SASH1: variants seen among roughly 807,000 people sequenced by gnomAD.
SASH1 encodes SAM and SH3 domain containing 1.
SASH1 carries 44 observed loss-of-function variants against 125.2 expected under a neutral mutation model. That is an observed-to-expected ratio of 0.35 (90% CI 0.28 to 0.45). The LOEUF (loss-of-function observed/expected upper bound fraction) is 0.45. Among genes scored for constraint, SASH1 ranks in the 20% least tolerant of loss-of-function variants. The probability of loss-of-function intolerance (pLI) is 1.00; values close to 1 mark genes in which losing one functional copy is unlikely to be tolerated. For missense variants in SASH1, 1,426 were observed against 1,614.5 expected (o/e 0.88, Z 2.00); for synonymous variants, 639 against 649.1 (o/e 0.98, Z 0.24).
chr6:148,536,432 C>T (rs752380463), intron 16 of SASH1, among the ~76,000 whole-genome samples: 11 of 152,288 alleles, frequency 7.2e-5, no homozygotes, highest in Middle Eastern at 3.4e-3. Context: ...CTCCGCCTCC[C>T]GGGTTCAAGC....
intron 2 of SASH1, among the ~76,000 whole-genome samples, chr6:148,400,523 G>A (rs1029459128): frequency 5.9e-5 from 9 of 152,212 alleles, no homozygotes; most frequent in East Asian, 5.8e-4. Flanking sequence ...GCAGAGGCAG[G>A]TGGATCCTTT....
chr6:148,327,200 T>C (rs1013157075), intron 1 of SASH1, among the ~76,000 whole-genome samples: 2 of 152,162 alleles, frequency 1.3e-5, no homozygotes, highest in Non-Finnish European at 2.9e-5. Context: ...TGAGACATAA[T>C]TGGTCCTCAA....
At position 148,549,920 on chromosome 6, in the gene SASH1, C is replaced by T. The variant is rs1257436819; in HGVS notation, c.*1362C>T. 5.3e-6 allele frequency: 1 copy of T among 187,422 alleles called. No individual in the cohort carries two copies. Among genetic ancestry groups the T allele is most frequent in the Non-Finnish European group, 1.1e-5 (1 of 91,746 alleles). 11.6% of individuals were successfully genotyped at this position (187,422 alleles called of 1,614,324 possible). On this transcript the variant is annotated 3_prime_UTR_variant, in exon 20 of 20. Coordinates refer to ENST00000367467, the MANE Select transcript of SASH1 (RefSeq NM_015278.5). The stretch of plus-strand genomic sequence containing the variant: ...AGTCTCCCAGGTTCAAGTGATTCTC[C>T]TGCCTTAGCCTCCCGAGTAGCTGGG...
At chr6:148,248,728 C>T in the SASH1 span, among the ~76,000 whole-genome samples, 3 of 152,308 alleles carry the variant, frequency 2.0e-5, no homozygotes, top group East Asian at 3.9e-4. Context: ...GAAGGAGCTT[C>T]ATTTGGTGCT....
chr6:148,518,196 A>G (rs533711963), intron 9 of SASH1, among the ~76,000 whole-genome samples: 5 of 152,088 alleles, frequency 3.3e-5, no homozygotes, highest in Admixed American at 2.0e-4. Context: ...GGGCTGGTGA[A>G]TTTCTGTGAG....
chr6:148,421,161 G>GGAAGGAAGGAAGA (rs1562396462), intron 2 of SASH1, among the ~76,000 whole-genome samples: 2 of 100,722 alleles, frequency 2.0e-5, no homozygotes, highest in African/African-American at 3.7e-5. Flanking sequence ...AAGAAAGAAA[G>GGAAGGAAGGAAGA]AAAGAAAGAA....
chr6:148,535,707 G>A (rs1014253838), intron 16 of SASH1, among the ~76,000 whole-genome samples: 1 of 152,104 alleles, frequency 6.6e-6, no homozygotes, highest in African/African-American at 2.4e-5. Flanking sequence ...GTCTTATCTT[G>A]CTCTGTATTA....
intron 2 of SASH1, among the ~76,000 whole-genome samples, chr6:148,390,648 C>G (rs9485289): frequency 6.6e-6 from 1 of 151,532 alleles, no homozygotes; most frequent in Non-Finnish European, 1.5e-5. Context: ...ATTAGCCGGG[C>G]GTGGTGATGG....
At chr6:148,268,035 T>A (rs1422452142), upstream of SASH1, among the ~76,000 whole-genome samples, 1 of 152,196 alleles carries the variant, frequency 6.6e-6, no homozygotes, top group Non-Finnish European at 1.5e-5. Context: ...CAATAAATAA[T>A]ACGACTTTTA....
At chr6:148,500,938 A>G (rs1214834375) in intron 8 of SASH1, among the ~76,000 whole-genome samples, 1 of 152,142 alleles carries the variant, frequency 6.6e-6, no homozygotes, top group African/African-American at 2.4e-5. Flanking sequence ...TCTAGCTCTA[A>G]ATAATTCCTC....
intron 1 of SASH1, among the ~76,000 whole-genome samples, chr6:148,319,534 G>A (rs958798015): frequency 6.6e-6 from 1 of 151,024 alleles, no homozygotes; most frequent in Non-Finnish European, 1.5e-5. Flanking sequence ...TTGTTTTTTT[G>A]AGATGGAGTT....
chr6:148,267,718 T>C (rs1318486488), upstream of SASH1, among the ~76,000 whole-genome samples: 2 of 152,042 alleles, frequency 1.3e-5, no homozygotes, highest in Non-Finnish European at 2.9e-5. Flanking sequence ...GATTCCAATA[T>C]CCATCCAACA....
intron 1 of SASH1, among the ~76,000 whole-genome samples, chr6:148,328,324 C>T (rs1050711176): frequency 1.5e-4 from 23 of 152,116 alleles, no homozygotes; most frequent in Middle Eastern, 6.8e-3. Context: ...TGAGGCCGGG[C>T]GCGGTGGCTC....
intron 2 of SASH1, among the ~76,000 whole-genome samples, chr6:148,421,207 A>AAGAAAGAAAGAAAGAAAGAG (rs1785083276): frequency 2.2e-5 from 3 of 138,972 alleles, no homozygotes; most frequent in Admixed American, 7.0e-5. Flanking sequence ...GAAAGAAAGA[A>AAGAAAGAAAGAAAGAAAGAG]AGAAAGAAAA....
chr6:148,420,719 C>T (rs1308056450), intron 2 of SASH1, among the ~76,000 whole-genome samples: 3 of 152,114 alleles, frequency 2.0e-5, no homozygotes, highest in African/African-American at 7.2e-5. Flanking sequence ...TTGTCTTTGT[C>T]TTTGAGTATA....
chr6:148,521,252 G>A (rs1780789116), intron 10 of SASH1, among the ~76,000 whole-genome samples: 1 of 152,234 alleles, frequency 6.6e-6, no homozygotes. Context: ...TCTGTCACCT[G>A]GCACCTTGCT....
intron 4 of SASH1, among the ~76,000 whole-genome samples, chr6:148,445,529 T>C (rs1776733827): frequency 1.3e-5 from 2 of 152,156 alleles, no homozygotes; most frequent in Admixed American, 1.3e-4. Context: ...ACCTGACAAA[T>C]AGTGATTCCT....
chr6:148,211,890 T>G, the SASH1 span, among the ~76,000 whole-genome samples: 1 of 152,152 alleles, frequency 6.6e-6, no homozygotes, highest in Non-Finnish European at 1.5e-5. Context: ...CGTTCCTTCT[T>G]TCAGGACACT....
upstream of SASH1, among the ~76,000 whole-genome samples, chr6:148,340,984 A>G (rs1300276503): frequency 6.6e-6 from 1 of 152,194 alleles, no homozygotes; most frequent in East Asian, 1.9e-4. Context: ...AAAAATTTAA[A>G]AAATTAGTCT....
Sources: gnomAD v4.1 joint callset for allele counts (sites outside exome capture counted in the v4.1 genomes callset) on GRCh38, gnomAD v4.1.1 for gene constraint, MANE v1.5 for transcripts, NCBI Gene and HGNC (gene_info 2026-07-23, HGNC 2026-07-21) for gene names.